The following NEK1 variants were observed in gnomAD, a reference collection of about 807,000 sequenced individuals.
NEK1 encodes the protein NIMA related kinase 1.
A neutral mutation model predicts 182.1 loss-of-function variants in NEK1; 137 were observed. The observed-to-expected ratio is 0.75, with a 90% CI of 0.65 to 0.87. The LOEUF (loss-of-function observed/expected upper bound fraction) is 0.87. Among genes scored for constraint, NEK1 ranks in the 40% least tolerant of loss-of-function variants. The probability of loss-of-function intolerance (pLI) is 0.00; values close to 1 mark genes in which losing one functional copy is unlikely to be tolerated. For missense variants in NEK1, 1,391 were observed against 1,494.4 expected (o/e 0.93, Z 1.14); for synonymous variants, 513 against 492.2 (o/e 1.04, Z -0.56).
intron 23 of NEK1, among the ~76,000 whole-genome samples, chr4:169,497,666 A>G (rs1054452111): frequency 1.3e-5 from 2 of 152,174 alleles, no homozygotes; most frequent in Non-Finnish European, 2.9e-5. Flanking sequence ...TTATGTACCC[A>G]GTAGTCATTC....
chr4:169,505,121 A>T (rs1753030183), intron 23 of NEK1, among the ~76,000 whole-genome samples: 1 of 152,186 alleles, frequency 6.6e-6, no homozygotes, highest in African/African-American at 2.4e-5. Context: ...CCAGGTTCAA[A>T]TCTTTGTTCT....
At chr4:169,401,457 A>G (rs1731671783) in intron 33 of NEK1, among the ~76,000 whole-genome samples, 195 bp downstream of exon 33, 2 of 152,344 alleles carry the variant, frequency 1.3e-5, no homozygotes, top group South Asian at 4.1e-4. Flanking sequence ...GGAAAGAAAT[A>G]AAAACTTTAA....
At chr4:169,574,419 C>G (rs1765361939) in intron 12 of NEK1, among the ~76,000 whole-genome samples, 1 of 151,846 alleles carries the variant, frequency 6.6e-6, no homozygotes, top group Non-Finnish European at 1.5e-5. Context: ...CATGGTGAAA[C>G]CCCGTCTCTA....
chr4:169,474,616 C>T lies in NEK1; in HGVS notation c.2434+2508G>A, dbSNP rs190849996. Among the ~76,000 whole-genome samples the T allele has an allele frequency of 3.3e-5, 5 of 152,264 alleles. No individual in the cohort carries two copies. In the East Asian group the frequency reaches 7.7e-4, roughly 24 times the overall value. The stretch of plus-strand genomic sequence containing the variant: ...GACGAATCCAGTGTATATTTTTTAG[C>T]CTTGAATATGTTACCTCTCTTCCTG... On this transcript the variant is annotated intron_variant, in intron 26 of 35. Transcript: ENST00000507142.
intron 26 of NEK1, among the ~76,000 whole-genome samples, chr4:169,469,377 C>A (rs1424257643): frequency 1.3e-5 from 2 of 152,118 alleles, no homozygotes; most frequent in East Asian, 3.8e-4. Flanking sequence ...TCATTATTTA[C>A]CCAGTAGTCA....
At chr4:169,561,409 T>C (rs1762881180) in intron 16 of NEK1, 71 bp downstream of exon 16, 4 of 1,295,674 alleles carry the variant, frequency 3.1e-6, no homozygotes, top group African/African-American at 1.5e-5. Flanking sequence ...CCCAAGTACA[T>C]GCATTTTATA....
chr4:169,482,668 C>G (rs957896081), intron 23 of NEK1, among the ~76,000 whole-genome samples: 9 of 151,698 alleles, frequency 5.9e-5, no homozygotes, highest in African/African-American at 2.2e-4. Context: ...GAGTCTTGTA[C>G]TGTCGCCCAG....
intron 27 of NEK1, among the ~76,000 whole-genome samples, chr4:169,451,668 C>T (rs1741803956): frequency 6.6e-6 from 1 of 151,990 alleles, no homozygotes; most frequent in Admixed American, 6.6e-5. Flanking sequence ...GCACTAAATG[C>T]CCACAAGAGA....
rs142109082 is a variant in NEK1 at position 169,562,626 on chromosome 4, T to G, written c.1021-430A>C. ...CCTCCAGAGTAACGGTAACCACTGT[T>G]AATATTTTCATTAGTGTCCTTCAGA... On this transcript the variant is annotated intron_variant, in intron 12 of 35. Transcript: ENST00000507142. 1.4e-4 allele frequency among the ~76,000 whole-genome samples: 22 copies of G among 152,252 alleles called. No individual in the cohort carries two copies. In the East Asian group the frequency reaches 3.7e-3, roughly 25 times the overall value.
chr4:169,484,257 A>T (rs890855533), intron 23 of NEK1, among the ~76,000 whole-genome samples: 1 of 152,202 alleles, frequency 6.6e-6, no homozygotes, highest in Non-Finnish European at 1.5e-5. Context: ...CATGTTGGCC[A>T]GGCTGGTCTC....
chr4:169,507,527 T>C (rs762255262), intron 22 of NEK1, among the ~76,000 whole-genome samples, 188 bp downstream of exon 22: 1 of 152,184 alleles, frequency 6.6e-6, no homozygotes, highest in Non-Finnish European at 1.5e-5. Flanking sequence ...TGGTTTTATC[T>C]ATTTTCATAA....
At chr4:169,548,437 AC>A (rs1486559822) in intron 18 of NEK1, among the ~76,000 whole-genome samples, 1 of 150,218 alleles carries the variant, frequency 6.7e-6, no homozygotes, top group African/African-American at 2.5e-5. Context: ...GTCAGGATAC[AC>A]AGGGGTCAGG....
In NEK1 at chr4:169,589,491, T is replaced by C. The variant is rs1257242297; in HGVS notation, c.420A>G (p.Gly140=). The C allele has an allele frequency of 1.3e-6, 2 of 1,511,136 alleles. No homozygotes were observed. The highest frequency in any genetic ancestry group is 8.9e-7 in the Non-Finnish European group (1 of 1,117,586). 93.6% of individuals were successfully genotyped at this position (1,511,136 alleles called of 1,614,324 possible). A position where few individuals can be genotyped will look rare whatever the true frequency, so the allele number is the denominator to read the frequency against. The part of the protein sequence containing the change: ...KSQNIFLTKD[G]TVQLGDFGIA... ...TTCCAAAATCTCCAAGTTGTACTGT[T>C]CCATCTTTAGTTAAAAATATGTTCT... The change falls in exon 7 of 36, where the codon GGA becomes GGG. Residue 140 remains glycine (G), a synonymous_variant. Transcript: ENST00000507142.
At chr4:169,405,327 A>C (rs1579328533) in intron 32 of NEK1, among the ~76,000 whole-genome samples, 1 of 152,202 alleles carries the variant, frequency 6.6e-6, no homozygotes, top group East Asian at 1.9e-4. Context: ...CTATCTGTCT[A>C]TTCTAAATAT....
chr4:169,420,910 T>C (rs1361660721), intron 31 of NEK1, among the ~76,000 whole-genome samples: 2 of 152,184 alleles, frequency 1.3e-5, no homozygotes, highest in Non-Finnish European at 2.9e-5. Context: ...GTCTAATCAA[T>C]TAAAAGAGAT....
At chr4:169,496,392 T>C (rs1392373204) in intron 23 of NEK1, among the ~76,000 whole-genome samples, 2 of 151,212 alleles carry the variant, frequency 1.3e-5, no homozygotes, top group Admixed American at 6.6e-5. Flanking sequence ...GAATACCCTT[T>C]ATTTCCTTCT....
At chr4:169,609,060 C>CAAAA (rs540854284) in intron 2 of NEK1, among the ~76,000 whole-genome samples, 13 of 82,494 alleles carry the variant, frequency 1.6e-4, no homozygotes, top group South Asian at 4.4e-4. Flanking sequence ...GACTCCTTCT[C>CAAAA]AAAAAAAAAA....
intron 26 of NEK1, among the ~76,000 whole-genome samples, chr4:169,468,613 C>T (rs1194539844): frequency 6.6e-6 from 1 of 152,170 alleles, no homozygotes; most frequent in Non-Finnish European, 1.5e-5. Flanking sequence ...GTTTTGCTAT[C>T]AGGATGATGC....
intron 19 of NEK1, among the ~76,000 whole-genome samples, chr4:169,515,449 A>AT (rs1485628401): frequency 1.7e-4 from 25 of 150,566 alleles, no homozygotes; most frequent in Admixed American, 7.9e-4. Flanking sequence ...TGCTCTCTAT[A>AT]TTTTAAAGTA....
Sources: allele counts gnomAD v4.1 joint callset (sites outside exome capture counted in the v4.1 genomes callset), GRCh38; gene constraint gnomAD v4.1.1; transcripts MANE v1.5; gene names NCBI Gene and HGNC (gene_info 2026-07-23, HGNC 2026-07-21).